Variants in PEBP4 observed in about 807,000 individuals in gnomAD.
PEBP4 encodes the protein phosphatidylethanolamine-binding protein 4.
PEBP4 carries 22 observed loss-of-function variants against 23.9 expected under a neutral mutation model. The observed-to-expected ratio is 0.92, with a 90% CI of 0.66 to 1.31. PEBP4 has a LOEUF of 1.31. Among genes scored for constraint, PEBP4 ranks in the 40% most tolerant of loss-of-function variants. PEBP4 has a pLI of 0.00. For missense variants in PEBP4, 324 were observed against 281.7 expected, an observed-to-expected ratio of 1.15 and a Z score of -1.07; for synonymous variants, 112 against 99.3, an observed-to-expected ratio of 1.13 and a Z score of -0.76.
chr8:22,771,116 A>G (rs1391034067), intron 4 of PEBP4, among the ~76,000 whole-genome samples: 2 of 152,336 alleles, frequency 1.3e-5, no homozygotes, highest in South Asian at 2.1e-4. Context: ...CCCCCACAGG[A>G]CTGAACACCT....
intron 3 of PEBP4, among the ~76,000 whole-genome samples, chr8:22,919,114 TC>T (rs1203469565): frequency 6.6e-6 from 1 of 152,190 alleles, no homozygotes; most frequent in African/African-American, 2.4e-5. Flanking sequence ...AAGAGTCTAT[TC>T]CCCGCATTGG....
At chr8:22,779,578 C>A (rs775465887) in intron 4 of PEBP4, among the ~76,000 whole-genome samples, 3 of 152,098 alleles carry the variant, frequency 2.0e-5, no homozygotes, top group Non-Finnish European at 2.9e-5. Flanking sequence ...GTGCCGTGGT[C>A]CCCCGACTCT....
intron 3 of PEBP4, among the ~76,000 whole-genome samples, chr8:22,897,970 G>A (rs988645278): frequency 2.0e-5 from 3 of 152,202 alleles, no homozygotes; most frequent in Admixed American, 6.5e-5. Flanking sequence ...CCACCACGTC[G>A]GGACACAGTG....
At chr8:22,842,503 T>C (rs919225840) in intron 3 of PEBP4, among the ~76,000 whole-genome samples, 1 of 152,092 alleles carries the variant, frequency 6.6e-6, no homozygotes, top group Non-Finnish European at 1.5e-5. Context: ...CAAAAAGTAA[T>C]TGCTGCTCCC....
intron 4 of PEBP4, among the ~76,000 whole-genome samples, chr8:22,738,294 A>T (rs552094771): frequency 2.4e-4 from 36 of 152,068 alleles, no homozygotes; most frequent in Non-Finnish European, 2.4e-4. Context: ...ACAGACAGAC[A>T]CAGGCGGGCT....
At chr8:22,880,083 G>A (rs910673331) in intron 3 of PEBP4, among the ~76,000 whole-genome samples, 1 of 152,210 alleles carries the variant, frequency 6.6e-6, no homozygotes, top group African/African-American at 2.4e-5. Context: ...CCAAAGTGGG[G>A]CCTGAGCAAG....
intron 3 of PEBP4, among the ~76,000 whole-genome samples, chr8:22,841,071 C>T (rs1031001131): frequency 6.6e-5 from 10 of 152,374 alleles, no homozygotes; most frequent in African/African-American, 2.2e-4. Flanking sequence ...TATCCCCTGA[C>T]GCATTTTATT....
At chr8:22,860,529 G>A (rs913113040) in intron 3 of PEBP4, among the ~76,000 whole-genome samples, 1 of 152,076 alleles carries the variant, frequency 6.6e-6, no homozygotes, top group Non-Finnish European at 1.5e-5. Flanking sequence ...ATGTCCTCAA[G>A]TTCCATCCAT....
chr8:22,724,895 A>T lies in PEBP4; in HGVS notation c.465T>A (p.Tyr155Ter). ...GAGAGATGACTTTTCCTTCCTGAAG[A>T]TAGACAAAGAACTGGTAGCGATGGA... ...SGFHRYQFFV[Y>*]LQEGKVISLL... Residue 155 changes from tyrosine (Y) to a stop codon, truncating the protein, a stop_gained, in exon 6 of 7, where the codon TAT becomes TAA. Transcript: ENST00000256404. LOFTEE classifies it high-confidence loss of function. The T allele has an allele frequency of 6.2e-7, 1 of 1,614,148 alleles. No homozygotes were observed. The highest frequency in any genetic ancestry group is 2.2e-5 in the East Asian group (1 of 44,890).
intron 3 of PEBP4, 26 bp from the exon 4 acceptor site, chr8:22,817,761 T>C (rs1410955048): frequency 6.3e-7 from 1 of 1,598,186 alleles, no homozygotes; most frequent in Non-Finnish European, 8.6e-7. Flanking sequence ...CGAAAAGTAA[T>C]GTAGCGTCAT....
At chr8:22,801,830 G>A (rs1806389068) in intron 4 of PEBP4, among the ~76,000 whole-genome samples, 1 of 151,886 alleles carries the variant, frequency 6.6e-6, no homozygotes, top group Non-Finnish European at 1.5e-5. Flanking sequence ...CCCTATATGT[G>A]CAATCTTGTG....
At chr8:22,903,505 C>T (rs1808750350) in intron 3 of PEBP4, among the ~76,000 whole-genome samples, 1 of 152,112 alleles carries the variant, frequency 6.6e-6, no homozygotes, top group South Asian at 2.1e-4. Flanking sequence ...TCTCCTCACC[C>T]CCAGAGGCAG....
chr8:22,713,487 A>G lies in PEBP4; in HGVS notation c.567T>C (p.Pro189=). The G allele has an allele frequency of 3.1e-6, 5 of 1,614,126 alleles. No homozygotes were observed. The highest frequency in any genetic ancestry group is 4.2e-6 in the Non-Finnish European group (5 of 1,180,002). Residue 189 remains proline, a synonymous_variant, in exon 7 of 7, where the codon CCT becomes CCC. Coordinates refer to ENST00000256404, the MANE Select transcript of PEBP4 (RefSeq NM_144962.3). ...RFLNRFHLGE[P]EASTQFMTQN... ...GGGTCATGAACTGGGTGCTTGCTTC[A>G]GGTTCGCCCAGGTGGAAACGGTTCA... is the stretch of plus-strand genomic sequence containing the variant.
chr8:22,892,764 T>C (rs1808518858), intron 3 of PEBP4, among the ~76,000 whole-genome samples: 1 of 152,140 alleles, frequency 6.6e-6, no homozygotes, highest in African/African-American at 2.4e-5. Flanking sequence ...CATGAAACAA[T>C]GGTTTCCAGA....
chr8:22,827,203 T>C (rs1234012668), intron 3 of PEBP4, among the ~76,000 whole-genome samples: 2 of 152,312 alleles, frequency 1.3e-5, no homozygotes, highest in African/African-American at 4.8e-5. Flanking sequence ...TCTGGATTTG[T>C]CCAGATAAAG....
At chr8:22,881,068 C>G (rs1403207664) in intron 3 of PEBP4, among the ~76,000 whole-genome samples, 1 of 152,220 alleles carries the variant, frequency 6.6e-6, no homozygotes, top group Non-Finnish European at 1.5e-5. Context: ...GAGGTACTGG[C>G]AGGAAATTAA....
At chr8:22,933,369 T>C (rs752626064) in intron 1 of PEBP4, among the ~76,000 whole-genome samples, 24 of 152,162 alleles carry the variant, frequency 1.6e-4, no homozygotes, top group Non-Finnish European at 3.2e-4. Context: ...CTGAGACATA[T>C]TAGAATCAAA....
chr8:22,858,852 C>T (rs897640166), intron 3 of PEBP4, among the ~76,000 whole-genome samples: 1 of 152,178 alleles, frequency 6.6e-6, no homozygotes, highest in Non-Finnish European at 1.5e-5. Context: ...GAGGCTGAGG[C>T]AGGAGAATCG....
At chr8:22,836,690 T>C (rs1266689912) in intron 3 of PEBP4, among the ~76,000 whole-genome samples, 2 of 152,222 alleles carry the variant, frequency 1.3e-5, no homozygotes, top group Non-Finnish European at 1.5e-5. Flanking sequence ...TGTCCCCTCC[T>C]CAAAGTCTGT....
Sources: allele counts gnomAD v4.1 joint callset (sites outside exome capture counted in the v4.1 genomes callset), GRCh38; gene constraint gnomAD v4.1.1; transcripts MANE v1.5; gene names NCBI Gene and HGNC (gene_info 2026-07-23, HGNC 2026-07-21).